Variants in TTC28 observed in about 807,000 individuals in gnomAD.
TTC28 encodes the protein tetratricopeptide repeat domain 28.
In TTC28, 61 loss-of-function variants were observed where a neutral mutation model predicts 198.0. The observed-to-expected ratio is 0.31, with a 90% CI of 0.25 to 0.38. The LOEUF (loss-of-function observed/expected upper bound fraction) is 0.38, where lower values mean the gene tolerates loss of function less well. Ranked by LOEUF, TTC28 falls within the 10% of genes least tolerant of loss-of-function variation. TTC28 has a pLI of 1.00. For synonymous variants in TTC28, 1,171 were observed against 1,297.8 expected, an observed-to-expected ratio of 0.90 and a Z score of 2.10; for missense variants, 2,678 against 3,164.0, an observed-to-expected ratio of 0.85 and a Z score of 3.69.
At chr22:28,256,237 C>G (rs1234311767) in intron 5 of TTC28, among the ~76,000 whole-genome samples, 4 of 151,638 alleles carry the variant, frequency 2.6e-5, no homozygotes, top group African/African-American at 4.8e-5. Flanking sequence ...GCCTGGACAA[C>G]AAAGCGAAAC....
chr22:28,369,335 A>C (rs1256847977), intron 2 of TTC28, among the ~76,000 whole-genome samples: 1 of 152,188 alleles, frequency 6.6e-6, no homozygotes, highest in Non-Finnish European at 1.5e-5. Context: ...GGGGGAAAGG[A>C]CAGTCTCATC....
rs71194779 is a variant in TTC28 at position 28,590,034 on chromosome 22, C to CAAAAAAAAAAAAAAA, written c.381+39503_381+39517dup. 2.7e-3 allele frequency among the ~76,000 whole-genome samples: 182 copies of CAAAAAAAAAAAAAAA among 68,022 alleles called. 3 individuals carry two copies. The highest frequency in any genetic ancestry group is 3.8e-3 in the African/African-American group (37 of 9,740). 44.6% of individuals were successfully genotyped at this position (68,022 alleles called of 152,430 possible). ...CCTGGGCAACAGAACAAGACTCCAT[C>CAAAAAAAAAAAAAAA]AAAAAAAAAAAAAAAAAAAAAAAAA... On this transcript the variant is annotated intron_variant, in intron 2 of 22. Coordinates refer to ENST00000397906, the MANE Select transcript of TTC28 (RefSeq NM_001145418.2).
intron 2 of TTC28, among the ~76,000 whole-genome samples, chr22:28,342,362 A>G (rs2045845196): frequency 6.6e-6 from 1 of 152,222 alleles, no homozygotes; most frequent in African/African-American, 2.4e-5. Context: ...TAAGATTTAT[A>G]TTATTCTGAT....
chr22:28,193,382 C>T (rs555857826), intron 5 of TTC28, among the ~76,000 whole-genome samples: 88 of 152,240 alleles, frequency 5.8e-4, no homozygotes, highest in African/African-American at 2.0e-3. Flanking sequence ...CATCAACTAA[C>T]GGGCAAAATA....
chr22:28,632,511 T>C (rs563345617), intron 1 of TTC28, among the ~76,000 whole-genome samples: 3 of 152,062 alleles, frequency 2.0e-5, no homozygotes, highest in South Asian at 4.2e-4. Flanking sequence ...ATGAAACATA[T>C]TGCTTGAAAG....
At chr22:28,154,283 C>T (rs777126524) in intron 6 of TTC28, among the ~76,000 whole-genome samples, 1 of 151,352 alleles carries the variant, frequency 6.6e-6, no homozygotes, top group Non-Finnish European at 1.5e-5. Flanking sequence ...CATTGTTATG[C>T]AACTACAGTT....
intron 19 of TTC28, chr22:27,992,347 A>G (rs964197676): frequency 1.1e-5 from 6 of 556,256 alleles, no homozygotes; most frequent in African/African-American, 1.9e-5. Flanking sequence ...ACCTCCCATC[A>G]TGCCGGTAAG....
chr22:28,329,571 T>C (rs2045584439), intron 2 of TTC28, among the ~76,000 whole-genome samples: 1 of 152,242 alleles, frequency 6.6e-6, no homozygotes, highest in Admixed American at 6.5e-5. Flanking sequence ...GTCTTCCTCT[T>C]AGCACTTTAC....
At chr22:28,448,017 T>G (rs2047727730) in intron 2 of TTC28, among the ~76,000 whole-genome samples, 1 of 152,202 alleles carries the variant, frequency 6.6e-6, no homozygotes, top group Non-Finnish European at 1.5e-5. Flanking sequence ...CCTGAAATAT[T>G]TACAGAATTA....
chr22:28,049,326 T>A (rs1245263486), intron 12 of TTC28, among the ~76,000 whole-genome samples: 4 of 152,330 alleles, frequency 2.6e-5, no homozygotes, highest in Middle Eastern at 3.4e-3. Context: ...AGTCAGTCAC[T>A]GGAAAAATAA....
rs528708683 is a variant in TTC28, at chr22:28,014,260, C to T, written c.4206G>A (p.Ala1402=). ...AGGAGGTGCTTACCCCTTCCATGGG[C>T]GCGATGAGCAGGTCATACAGGGCAC... The part of the protein sequence containing the change: ...PLRALYDLLI[A]PMEGGLMHSS... The change falls in exon 14 of 23, where the codon GCG becomes GCA. Residue 1402 remains alanine (A), a synonymous_variant. Coordinates refer to ENST00000397906, the MANE Select transcript of TTC28 (RefSeq NM_001145418.2). 12 of 1,550,674 alleles carry T rather than the reference C, an allele frequency of 7.7e-6. No homozygotes were observed. Among genetic ancestry groups the T allele is most frequent in the African/African-American group, 4.1e-5 (3 of 73,142 alleles).
At chr22:28,645,836 C>T (rs189994230) in intron 1 of TTC28, among the ~76,000 whole-genome samples, 1 of 152,168 alleles carries the variant, frequency 6.6e-6, no homozygotes, top group African/African-American at 2.4e-5. Flanking sequence ...GATCTCGGCT[C>T]ACTGCAACCT....
chr22:28,496,003 T>TA (rs1236805873), intron 2 of TTC28, among the ~76,000 whole-genome samples: 2 of 152,144 alleles, frequency 1.3e-5, no homozygotes, highest in Admixed American at 1.3e-4. Context: ...CTGAATCCAT[T>TA]AGCAGCATCT....
intron 2 of TTC28, among the ~76,000 whole-genome samples, chr22:28,401,869 C>G (rs1481729741): frequency 6.6e-6 from 1 of 152,184 alleles, no homozygotes; most frequent in African/African-American, 2.4e-5. Flanking sequence ...TGATGCCAGA[C>G]CTAAATATTA....
At chr22:28,207,546 A>T (rs1330652073) in intron 5 of TTC28, among the ~76,000 whole-genome samples, 1 of 151,996 alleles carries the variant, frequency 6.6e-6, no homozygotes, top group Non-Finnish European at 1.5e-5. Flanking sequence ...ACAATATCTG[A>T]CTCTTACAGT....
intron 5 of TTC28, among the ~76,000 whole-genome samples, chr22:28,231,548 G>A (rs1387409979): frequency 6.6e-6 from 1 of 152,170 alleles, no homozygotes; most frequent in Non-Finnish European, 1.5e-5. Context: ...GCTCATGTCT[G>A]TAGATCACAG....
At chr22:28,028,653 T>C (rs1938941452) in intron 13 of TTC28, among the ~76,000 whole-genome samples, 2 of 152,230 alleles carry the variant, frequency 1.3e-5, no homozygotes, top group South Asian at 4.1e-4. Flanking sequence ...CAACCCAAGA[T>C]GGCCAACAGC....
intron 12 of TTC28, among the ~76,000 whole-genome samples, chr22:28,053,492 G>A (rs752572482): frequency 4.6e-5 from 7 of 152,124 alleles, no homozygotes; most frequent in Non-Finnish European, 7.4e-5. Context: ...GACTGAAGAC[G>A]GAATACTGGA....
intron 2 of TTC28, among the ~76,000 whole-genome samples, chr22:28,446,832 T>C (rs1440304413): frequency 6.6e-6 from 1 of 152,178 alleles, no homozygotes; most frequent in East Asian, 1.9e-4. Flanking sequence ...CTTTATCCTG[T>C]AGGATGCAGA....
Sources: gnomAD v4.1 joint callset for allele counts (sites outside exome capture counted in the v4.1 genomes callset) on GRCh38, gnomAD v4.1.1 for gene constraint, MANE v1.5 for transcripts, NCBI Gene and HGNC (gene_info 2026-07-23, HGNC 2026-07-21) for gene names.